EDARADD: variants seen among roughly 807,000 people sequenced by gnomAD.
The protein encoded by EDARADD is EDAR associated via death domain.
EDARADD carries 20 observed loss-of-function variants against 25.6 expected under a neutral mutation model. The observed-to-expected ratio is 0.78, with a 90% CI of 0.55 to 1.14. EDARADD has a LOEUF of 1.14. Among genes scored for constraint, EDARADD ranks in the 50% most tolerant of loss-of-function variants. EDARADD has a pLI of 0.00. For synonymous variants in EDARADD, 86 were observed against 94.4 expected (o/e 0.91, Z 0.52); for missense variants, 225 against 270.1 (o/e 0.83, Z 1.17).
intron 3 of EDARADD, among the ~76,000 whole-genome samples, chr1:236,382,360 T>C (rs1300445460): frequency 2.0e-5 from 3 of 152,236 alleles, no homozygotes; most frequent in Admixed American, 6.5e-5. Context: ...GTTTTGTGTG[T>C]CTCTACTTAG....
At chr1:236,433,229 T>A (rs1658153956) in intron 4 of EDARADD, among the ~76,000 whole-genome samples, 1 of 151,694 alleles carries the variant, frequency 6.6e-6, no homozygotes, top group Non-Finnish European at 1.5e-5. Context: ...CTTCGTTGTA[T>A]TCCTTTGTAC....
intron 4 of EDARADD, among the ~76,000 whole-genome samples, chr1:236,464,423 C>CA: frequency 1.4e-5 from 1 of 72,980 alleles, no homozygotes; most frequent in South Asian, 5.7e-4. Flanking sequence ...CTTGCTGCAA[C>CA]TTTTTTTTTT....
At position 236,411,123 on chromosome 1, in the gene EDARADD, G is replaced by A. The variant is rs150404676; in HGVS notation, c.120+1849G>A. On this transcript the variant is annotated intron_variant, in intron 2 of 5. Coordinates refer to ENST00000334232, the MANE Select transcript of EDARADD (RefSeq NM_145861.4). ...CCAGGTTTTCTTTCCCTCCCTTGGA[G>A]CTATGTCCTTATGCTCACCTTGGGG... Among the ~76,000 whole-genome samples the A allele has an allele frequency of 2.8e-3, 425 of 152,216 alleles. 2 individuals are homozygous for A. The highest frequency in any genetic ancestry group is 9.3e-3 in the African/African-American group (388 of 41,526).
intron 4 of EDARADD, among the ~76,000 whole-genome samples, chr1:236,447,166 C>CTT (rs1658566778): frequency 8.7e-6 from 1 of 115,080 alleles, no homozygotes; most frequent in African/African-American, 3.9e-5. Context: ...CCCTCCCTCC[C>CTT]TCCCTCTTTC....
intron 4 of EDARADD, among the ~76,000 whole-genome samples, chr1:236,446,797 A>C (rs149440020): frequency 6.6e-6 from 1 of 152,352 alleles, no homozygotes; most frequent in Non-Finnish European, 1.5e-5. Context: ...AGAGCCCTGC[A>C]CTAGACTGTG....
rs746763475 is a variant in EDARADD, at chr1:236,479,525, C to T, written c.266-2742C>T. 5.5e-4 allele frequency among the ~76,000 whole-genome samples: 84 copies of T among 151,654 alleles called. No individual in the cohort carries two copies. In the Middle Eastern group the frequency reaches 0.01, roughly 19 times the overall value. On this transcript the variant is annotated intron_variant, in intron 5 of 5. Transcript: ENST00000334232. Reference sequence around the variant, plus strand: ...AAAAGAAAAAAAAAACCTCTCTATTCGCCTTTTAAGAATACCTGGGCTTCT... The same window carrying T: ...AAAAGAAAAAAAAAACCTCTCTATTTGCCTTTTAAGAATACCTGGGCTTCT...
At chr1:236,410,131 G>A (rs1432580207) in intron 2 of EDARADD, among the ~76,000 whole-genome samples, 1 of 152,018 alleles carries the variant, frequency 6.6e-6, no homozygotes, top group Non-Finnish European at 1.5e-5. Context: ...TACGTATGCA[G>A]CTTTGTTACG....
upstream of EDARADD, among the ~76,000 whole-genome samples, chr1:236,391,435 C>T (rs1667424890): frequency 6.6e-6 from 1 of 152,184 alleles, no homozygotes; most frequent in African/African-American, 2.4e-5. Context: ...GGGCATCTTC[C>T]ATCACATATG....
chr1:236,446,475 G>A (rs1176374546), intron 4 of EDARADD, among the ~76,000 whole-genome samples: 3 of 151,900 alleles, frequency 2.0e-5, no homozygotes, highest in African/African-American at 4.8e-5. Flanking sequence ...TCACTTGAAC[G>A]CAGGAGGTGG....
intron 4 of EDARADD, among the ~76,000 whole-genome samples, chr1:236,464,441 T>TTTC (rs563835939): frequency 0.34 from 42,855 of 126,218 alleles, 9,384 homozygotes; most frequent in East Asian, 0.46. Context: ...TTTTTTTTTT[T>TTTC]TTTTTTTTTG....
intron 4 of EDARADD, among the ~76,000 whole-genome samples, chr1:236,461,022 G>A (rs955165529): frequency 3.3e-5 from 5 of 151,916 alleles, no homozygotes; most frequent in East Asian, 1.9e-4. Context: ...GGGTTTCATC[G>A]TGTTGGCCAG....
chr1:236,453,421 C>T (rs1002030546), intron 4 of EDARADD, among the ~76,000 whole-genome samples: 8 of 151,834 alleles, frequency 5.3e-5, no homozygotes, highest in Admixed American at 1.3e-4. Context: ...GGATTACAGG[C>T]GCGCACCACC....
intron 3 of EDARADD, among the ~76,000 whole-genome samples, chr1:236,385,232 C>A (rs1389408740): frequency 2.7e-5 from 4 of 149,060 alleles, no homozygotes; most frequent in Non-Finnish European, 4.4e-5. Context: ...CACGGTGAAA[C>A]CCCGTCTGTA....
chr1:236,371,647 G>T (rs901488657), intron 3 of EDARADD, among the ~76,000 whole-genome samples: 6 of 149,798 alleles, frequency 4.0e-5, no homozygotes, highest in East Asian at 2.0e-4. Flanking sequence ...TCGGCTCACT[G>T]CAACCTCTGC....
chr1:236,427,800 A>G (rs942871160), intron 4 of EDARADD, among the ~76,000 whole-genome samples: 1 of 152,052 alleles, frequency 6.6e-6, no homozygotes, highest in African/African-American at 2.4e-5. Context: ...ATACTCTAAT[A>G]TAATACTTGT....
At chr1:236,396,159 T>C (rs1181764997) in intron 1 of EDARADD, among the ~76,000 whole-genome samples, 2 of 152,188 alleles carry the variant, frequency 1.3e-5, no homozygotes, top group Admixed American at 1.3e-4. Context: ...CATCAGATAG[T>C]ATCCGCAGAA....
rs142063576 is a variant in EDARADD, at chr1:236,358,005, A to G, written c.-6+7166A>G. Reference sequence around the variant, plus strand: ...CTCCTGCCTCAGCCTCCTGAATAACAGGGATTATAGGTGCTGCCACCACAC... The same window carrying G: ...CTCCTGCCTCAGCCTCCTGAATAACGGGGATTATAGGTGCTGCCACCACAC... On this transcript the variant is annotated intron_variant, in intron 3 of 7. Coordinates refer to the EDARADD transcript ENST00000439430. 3.5e-3 allele frequency among the ~76,000 whole-genome samples: 531 copies of G among 151,946 alleles called. 3 individuals are homozygous for G. Among genetic ancestry groups the G allele is most frequent in the African/African-American group, 0.011 (465 of 41,420 alleles).
intron 1 of EDARADD, among the ~76,000 whole-genome samples, chr1:236,405,391 G>C (rs1189452037): frequency 1.3e-5 from 2 of 152,310 alleles, no homozygotes; most frequent in East Asian, 3.9e-4. Context: ...AGTCTGAGGA[G>C]TGTTGATTGA....
In EDARADD at chr1:236,472,924, C is replaced by T. The variant is rs554289363; in HGVS notation, c.265+4648C>T. ...CCTCTCCATAGCAATCTTGCGGCTGCCTTGTTAACACCAAAAAAACTTGCA... is the reference window on the plus strand; with the variant it reads ...CCTCTCCATAGCAATCTTGCGGCTGTCTTGTTAACACCAAAAAAACTTGCA... On this transcript the variant is annotated intron_variant, in intron 5 of 5. Coordinates refer to ENST00000334232, the MANE Select transcript of EDARADD (RefSeq NM_145861.4). 9.4e-5 allele frequency among the ~76,000 whole-genome samples: 14 copies of T among 149,492 alleles called. No individual in the cohort carries two copies. The South Asian group carries it at 2.5e-3, about 27-fold the overall frequency.
Sources: allele counts gnomAD v4.1 joint callset (sites outside exome capture counted in the v4.1 genomes callset), GRCh38; gene constraint gnomAD v4.1.1; transcripts MANE v1.5; gene names NCBI Gene and HGNC (gene_info 2026-07-23, HGNC 2026-07-21).